Variants in ESCO1 observed in about 807,000 individuals in gnomAD.
ESCO1 encodes establishment of sister chromatid cohesion N-acetyltransferase 1.
Under a neutral mutation model 83.5 loss-of-function variants are expected in ESCO1, and 33 were observed. That is an observed-to-expected ratio of 0.40 (90% CI 0.30 to 0.53). The LOEUF (loss-of-function observed/expected upper bound fraction) is 0.53, where lower values mean the gene tolerates loss of function less well. ESCO1 is among the 20% of genes least tolerant of loss of function. ESCO1 has a pLI of 0.63. For synonymous variants in ESCO1, 332 were observed against 324.3 expected (o/e 1.02, Z -0.25); for missense variants, 855 against 968.0 (o/e 0.88, Z 1.55).
chr18:21,587,471 T>C (rs1013725590), intron 1 of ESCO1, among the ~76,000 whole-genome samples: 2 of 152,178 alleles, frequency 1.3e-5, no homozygotes, highest in African/African-American at 4.8e-5. Flanking sequence ...TTGAGTCAGT[T>C]TATAAGAACT....
At chr18:21,596,610 A>T (rs2038770677) in intron 1 of ESCO1, among the ~76,000 whole-genome samples, 1 of 152,108 alleles carries the variant, frequency 6.6e-6, no homozygotes, top group Non-Finnish European at 1.5e-5. Context: ...AGGTAGGGGG[A>T]TCACCTGAGG....
chr18:21,542,890 G>A (rs915428146), intron 8 of ESCO1, among the ~76,000 whole-genome samples: 2 of 152,192 alleles, frequency 1.3e-5, no homozygotes, highest in Middle Eastern at 3.2e-3. Context: ...GAGAAGCAGG[G>A]TTCAGGAAAG....
At chr18:21,534,396 T>A (rs996845973) in intron 10 of ESCO1, among the ~76,000 whole-genome samples, 1 of 152,204 alleles carries the variant, frequency 6.6e-6, no homozygotes, top group Non-Finnish European at 1.5e-5. Context: ...ACTGAGTTCA[T>A]GAGCAAGCAC....
intron 8 of ESCO1, among the ~76,000 whole-genome samples, chr18:21,560,469 T>C (rs1352532239): frequency 1.3e-5 from 2 of 151,950 alleles, no homozygotes; most frequent in African/African-American, 4.8e-5. Flanking sequence ...GTATAATACC[T>C]ATCACGATCA....
intron 10 of ESCO1, among the ~76,000 whole-genome samples, chr18:21,534,886 A>T (rs2037813933): frequency 6.6e-6 from 1 of 151,948 alleles, no homozygotes; most frequent in Admixed American, 6.6e-5. Flanking sequence ...AGCCTCTCAA[A>T]TTGCTGGGAT....
At chr18:21,580,622 CAT>C (rs1429408339) in intron 2 of ESCO1, among the ~76,000 whole-genome samples, 3 of 152,136 alleles carry the variant, frequency 2.0e-5, no homozygotes, top group Non-Finnish European at 4.4e-5. Context: ...TGAGACTGCA[CAT>C]GTGTGTGCTT....
chr18:21,536,905 C>T (rs1282680458), intron 9 of ESCO1, among the ~76,000 whole-genome samples: 2 of 152,162 alleles, frequency 1.3e-5, no homozygotes, highest in Non-Finnish European at 2.9e-5. Flanking sequence ...AGAAAAGGAA[C>T]TCATGTTTAC....
rs147973250 is a variant in ESCO1 at position 21,598,640 on chromosome 18, T to G, written c.-825+1983A>C. On this transcript the variant is annotated intron_variant, in intron 1 of 11. Transcript: ENST00000269214. The stretch of plus-strand genomic sequence containing the variant: ...TCACTTGAACCCAGGAGGCGGAGAT[T>G]GCAGTGAGCCGAGATCTCGCCACTG... Among the ~76,000 whole-genome samples, 1,471 of 151,898 alleles carry G rather than the reference T, an allele frequency of 9.7e-3. 26 individuals are homozygous for G. Among genetic ancestry groups the G allele is most frequent in the African/African-American group, 0.033 (1,387 of 41,414 alleles).
rs2038833103 is a variant in ESCO1, at chr18:21,600,686, G to C, written c.-888C>G. ...GGATCGCCTCACATCCGGGTATCAG[G>C]AGACACTCAGCTGCTTCTGCTGCGG... is the stretch of plus-strand genomic sequence containing the variant. On this transcript the variant is annotated 5_prime_UTR_variant, in exon 1 of 12. Transcript: ENST00000269214. 6.6e-6 allele frequency: 1 copy of C among 152,268 alleles called. No homozygotes were observed. Among genetic ancestry groups the C allele is most frequent in the Non-Finnish European group, 1.5e-5 (1 of 68,076 alleles). 9.4% of individuals were successfully genotyped at this position (152,268 alleles called of 1,614,324 possible).
intron 5 of ESCO1, among the ~76,000 whole-genome samples, chr18:21,566,824 C>T (rs969182682): frequency 8.7e-5 from 13 of 149,116 alleles, no homozygotes; most frequent in South Asian, 8.4e-4. Flanking sequence ...CGCGCCACTG[C>T]ACCCCAGCCT....
intron 1 of ESCO1, among the ~76,000 whole-genome samples, chr18:21,592,508 A>G (rs2038690116): frequency 7.4e-6 from 1 of 135,128 alleles, no homozygotes; most frequent in Admixed American, 7.4e-5. Context: ...GCGGCCGGGC[A>G]GAGGCGCCCC....
chr18:21,556,413 T>TA (rs1415618822), intron 8 of ESCO1, among the ~76,000 whole-genome samples: 1 of 152,094 alleles, frequency 6.6e-6, no homozygotes, highest in East Asian at 1.9e-4. Flanking sequence ...AAATTTCACA[T>TA]AAAAAAATAA....
chr18:21,596,436 TC>T (rs2038768370), intron 1 of ESCO1, among the ~76,000 whole-genome samples: 1 of 152,164 alleles, frequency 6.6e-6, no homozygotes, highest in Non-Finnish European at 1.5e-5. Flanking sequence ...TGTTTAAAGT[TC>T]TTAGAAAAGC....
At chr18:21,594,808 A>G (rs2038736823) in intron 1 of ESCO1, among the ~76,000 whole-genome samples, 2 of 152,346 alleles carry the variant, frequency 1.3e-5, no homozygotes, top group South Asian at 4.1e-4. Flanking sequence ...CTAGTTGAAC[A>G]AAACACAACA....
intron 7 of ESCO1, among the ~76,000 whole-genome samples, chr18:21,562,317 A>C (rs1161517733): frequency 2.0e-5 from 3 of 152,108 alleles, no homozygotes; most frequent in African/African-American, 7.2e-5. Flanking sequence ...CTCTACTAAA[A>C]ATACAACAAA....
At chr18:21,561,334 G>A (rs1246814151) in intron 7 of ESCO1, among the ~76,000 whole-genome samples, 1 of 152,206 alleles carries the variant, frequency 6.6e-6, no homozygotes, top group Non-Finnish European at 1.5e-5. Flanking sequence ...CTACTAGTGT[G>A]TAGAGGAAAA....
chr18:21,574,082 T>C lies in ESCO1; in HGVS notation c.762A>G (p.Ser254=). The change falls in exon 4 of 12, where the codon TCA becomes TCG. Residue 254 remains serine (S), a synonymous_variant. Coordinates refer to ENST00000269214, the MANE Select transcript of ESCO1 (RefSeq NM_052911.3). ...SEVKRSKMAT[S]VVPKKNEMKK... ...TCATCTCATTCTTTTTCGGGACCAC[T>C]GAAGTAGCCATTTTTGATCTTTTCA... 1.2e-6 allele frequency: 2 copies of C among 1,612,966 alleles called. No homozygotes were observed. The highest frequency in any genetic ancestry group is 1.7e-6 in the Non-Finnish European group (2 of 1,180,012).
At chr18:21,595,440 C>T (rs1394690730) in intron 1 of ESCO1, among the ~76,000 whole-genome samples, 1 of 141,698 alleles carries the variant, frequency 7.1e-6, no homozygotes, top group Non-Finnish European at 1.5e-5. Context: ...GAGGCCGAGG[C>T]GGGTGGATCA....
At chr18:21,586,534 A>G (rs1350137290) in intron 1 of ESCO1, among the ~76,000 whole-genome samples, 2 of 152,128 alleles carry the variant, frequency 1.3e-5, no homozygotes, top group Non-Finnish European at 2.9e-5. Flanking sequence ...TATTTTCTTA[A>G]TTTCCTTTTT....
Sources: gnomAD v4.1 joint callset for allele counts (sites outside exome capture counted in the v4.1 genomes callset) on GRCh38, gnomAD v4.1.1 for gene constraint, MANE v1.5 for transcripts, NCBI Gene and HGNC (gene_info 2026-07-23, HGNC 2026-07-21) for gene names.